Variants in PCGF5 observed in about 807,000 individuals in gnomAD.
The protein encoded by PCGF5 is polycomb group ring finger 5.
In PCGF5, 9 loss-of-function variants were observed where a neutral mutation model predicts 44.3. The observed-to-expected ratio is 0.20, with a 90% CI of 0.12 to 0.35. The LOEUF is 0.35. PCGF5 is among the 10% of genes least tolerant of loss of function. PCGF5 has a pLI of 1.00. For synonymous variants in PCGF5, 95 were observed against 102.5 expected (o/e 0.93, Z 0.44); for missense variants, 146 against 305.3 (o/e 0.48, Z 3.89).
At chr10:91,209,803 G>A (rs201670497) in intron 1 of PCGF5, among the ~76,000 whole-genome samples, 50 of 584 alleles carry the variant, frequency 0.086, 2 homozygotes, top group African/African-American at 0.12. Context: ...AAAGAAAAAC[G>A]AAGAAAGGAA....
At chr10:91,191,579 T>C (rs1844034259) in intron 1 of PCGF5, among the ~76,000 whole-genome samples, 4 of 152,224 alleles carry the variant, frequency 2.6e-5, no homozygotes, top group African/African-American at 9.6e-5. Context: ...AACATGTAGG[T>C]AATCTAGTCA....
At chr10:91,201,772 G>C (rs1460981348) in intron 1 of PCGF5, among the ~76,000 whole-genome samples, 1 of 146,642 alleles carries the variant, frequency 6.8e-6, no homozygotes, top group Non-Finnish European at 1.5e-5. Context: ...TTTTGTTTAA[G>C]TGTGTTACTT....
chr10:91,158,713 T>C (rs1439261130), upstream of PCGF5, among the ~76,000 whole-genome samples: 1 of 152,168 alleles, frequency 6.6e-6, no homozygotes, highest in African/African-American at 2.4e-5. Context: ...TGTTGAAGAA[T>C]TAGATACCCC....
At chr10:91,239,679 G>A (rs1845271598) in intron 2 of PCGF5, among the ~76,000 whole-genome samples, 1 of 152,030 alleles carries the variant, frequency 6.6e-6, no homozygotes, top group African/African-American at 2.4e-5. Context: ...TAAGGTTTTG[G>A]GGCAAAACAT....
chr10:91,259,433 G>C (rs923991571), intron 6 of PCGF5, among the ~76,000 whole-genome samples: 1 of 152,062 alleles, frequency 6.6e-6, no homozygotes, highest in Non-Finnish European at 1.5e-5. Flanking sequence ...TCATGTTTCA[G>C]AAGTTATACT....
At chr10:91,265,347 T>G (rs1003217124) in intron 8 of PCGF5, among the ~76,000 whole-genome samples, 3 of 152,160 alleles carry the variant, frequency 2.0e-5, no homozygotes, top group African/African-American at 7.2e-5. Flanking sequence ...TCAGAAATTA[T>G]CTTCATAATC....
At chr10:91,179,080 C>A (rs1266733544) in intron 1 of PCGF5, among the ~76,000 whole-genome samples, 1 of 152,212 alleles carries the variant, frequency 6.6e-6, no homozygotes, top group Non-Finnish European at 1.5e-5. Context: ...GGAGCTAGGG[C>A]TAATTCCTCT....
chr10:91,183,964 C>T lies in PCGF5; in HGVS notation c.-184+20883C>T, dbSNP rs1167324335. On this transcript the variant is annotated intron_variant, in intron 1 of 9. Coordinates refer to the PCGF5 transcript ENST00000614189. ...CTGATTGTCTTCCCTTTGAAAGTGA[C>T]CTGGCCTTTCTTTCTCACTGTCTTT... Among the ~76,000 whole-genome samples the T allele has an allele frequency of 2.0e-5, 3 of 152,108 alleles. No individual in the cohort carries two copies. The East Asian group carries it at 5.8e-4, about 29-fold the overall frequency.
At chr10:91,273,613 TTC>T (rs918509522) in intron 9 of PCGF5, among the ~76,000 whole-genome samples, 3 of 152,150 alleles carry the variant, frequency 2.0e-5, no homozygotes, top group Admixed American at 6.5e-5. Context: ...ATGTTCTGAA[TTC>T]TCTCTAATTT....
At chr10:91,190,785 G>C (rs186467522) in intron 1 of PCGF5, among the ~76,000 whole-genome samples, 1 of 152,056 alleles carries the variant, frequency 6.6e-6, no homozygotes, top group Non-Finnish European at 1.5e-5. Flanking sequence ...TATTGTGCTG[G>C]TTTTCATTCC....
intron 1 of PCGF5, among the ~76,000 whole-genome samples, chr10:91,177,362 CT>C (rs2133182597): frequency 6.6e-6 from 1 of 152,340 alleles, no homozygotes; most frequent in South Asian, 2.1e-4. Context: ...CAGGGACCCA[CT>C]TGAGGAGGCA....
upstream of PCGF5, chr10:91,162,926 C>G (rs1203294584): frequency 6.9e-6 from 1 of 145,784 alleles, no homozygotes; most frequent in African/African-American, 2.5e-5. Context: ...GCCCGCCCGC[C>G]GGGCCGGCCC....
chr10:91,211,163 A>G (rs998740060), intron 1 of PCGF5, among the ~76,000 whole-genome samples: 3 of 152,190 alleles, frequency 2.0e-5, no homozygotes, highest in Non-Finnish European at 2.9e-5. Flanking sequence ...TAGATTTCCA[A>G]TGCTATGTTT....
upstream of PCGF5, among the ~76,000 whole-genome samples, chr10:91,158,404 G>A (rs1348495251): frequency 6.6e-6 from 1 of 152,160 alleles, no homozygotes; most frequent in African/African-American, 2.4e-5. Flanking sequence ...TAGCTACGGC[G>A]AACTGAGGAG....
At chr10:91,188,058 T>G (rs931820428) in intron 1 of PCGF5, among the ~76,000 whole-genome samples, 2 of 152,188 alleles carry the variant, frequency 1.3e-5, no homozygotes, top group Admixed American at 6.5e-5. Flanking sequence ...ACATGTGCCA[T>G]GCTGGTGTGC....
chr10:91,198,190 T>G (rs1844178917), intron 1 of PCGF5, among the ~76,000 whole-genome samples: 1 of 152,210 alleles, frequency 6.6e-6, no homozygotes, highest in East Asian at 1.9e-4. Context: ...TCCGTCTCTC[T>G]AAATTGAACC....
intron 1 of PCGF5, among the ~76,000 whole-genome samples, chr10:91,178,086 A>G (rs1322807433): frequency 6.6e-6 from 1 of 152,234 alleles, no homozygotes; most frequent in Non-Finnish European, 1.5e-5. Context: ...AACGATTGGT[A>G]TAGCTGTACC....
chr10:91,271,762 C>A, intron 9 of PCGF5, 65 bp downstream of exon 9: 1 of 1,337,812 alleles, frequency 7.5e-7, no homozygotes, highest in Non-Finnish European at 1.1e-6. Context: ...ACATTCATCC[C>A]AAACTCAATT....
chr10:91,158,732 C>G (rs965360744), upstream of PCGF5, among the ~76,000 whole-genome samples: 1 of 152,162 alleles, frequency 6.6e-6, no homozygotes, highest in Non-Finnish European at 1.5e-5. Context: ...CCAAACAATG[C>G]TTTTTCTTGG....
Sources: gnomAD v4.1 joint callset for allele counts (sites outside exome capture counted in the v4.1 genomes callset) on GRCh38, gnomAD v4.1.1 for gene constraint, MANE v1.5 for transcripts, NCBI Gene and HGNC (gene_info 2026-07-23, HGNC 2026-07-21) for gene names.